RBFOX1: variants seen among roughly 807,000 people sequenced by gnomAD.
The protein encoded by RBFOX1 is RNA binding fox-1 homolog 1.
A neutral mutation model predicts 57.7 loss-of-function variants in RBFOX1; 8 were observed. That is an observed-to-expected ratio of 0.14 (90% CI 0.08 to 0.25). The LOEUF is 0.25. Ranked by LOEUF, RBFOX1 falls within the 10% of genes least tolerant of loss-of-function variation. RBFOX1 has a pLI of 1.00. For missense variants in RBFOX1, 611 were observed against 548.5 expected (o/e 1.11, Z -1.14); for synonymous variants, 326 against 222.4 (o/e 1.47, Z -4.15).
At chr16:7,707,303 C>T (rs2082772803) in intron 14 of RBFOX1, among the ~76,000 whole-genome samples, 1 of 152,056 alleles carries the variant, frequency 6.6e-6, no homozygotes, top group African/African-American at 2.4e-5. Flanking sequence ...CTTTCTTCAC[C>T]TTCTCAGACT....
chr16:5,988,385 C>T (rs2060322556), intron 4 of RBFOX1, among the ~76,000 whole-genome samples: 1 of 152,152 alleles, frequency 6.6e-6, no homozygotes, highest in South Asian at 2.1e-4. Context: ...TTTAGGATTA[C>T]GTTATCAAGC....
chr16:6,115,083 AT>A (rs1351958631), intron 1 of RBFOX1, among the ~76,000 whole-genome samples: 1 of 151,530 alleles, frequency 6.6e-6, no homozygotes, highest in African/African-American at 2.4e-5. Context: ...TTGCCATGGC[AT>A]TTGTAAACTA....
chr16:7,674,283 T>G (rs1320655107), intron 13 of RBFOX1, among the ~76,000 whole-genome samples: 1 of 152,190 alleles, frequency 6.6e-6, no homozygotes, highest in Non-Finnish European at 1.5e-5. Context: ...GTCCAATCCT[T>G]TGGCCACCAG....
intron 1 of RBFOX1, among the ~76,000 whole-genome samples, chr16:5,363,708 T>G (rs1478974814): frequency 6.6e-6 from 1 of 152,200 alleles, no homozygotes; most frequent in Non-Finnish European, 1.5e-5. Context: ...GTCTGTCTCC[T>G]ACACCCCCAA....
intron 3 of RBFOX1, among the ~76,000 whole-genome samples, chr16:5,695,316 A>G (rs576291603): frequency 6.6e-6 from 1 of 152,304 alleles, no homozygotes; most frequent in South Asian, 2.1e-4. Context: ...ACATTTCTAT[A>G]TATCAGGGCA....
intron 4 of RBFOX1, among the ~76,000 whole-genome samples, chr16:7,130,468 C>T (rs2069981124): frequency 6.6e-6 from 1 of 152,184 alleles, no homozygotes; most frequent in Non-Finnish European, 1.5e-5. Flanking sequence ...CAAAAGTGAT[C>T]ATCTCTGTCT....
intron 9 of RBFOX1, 59 bp downstream of exon 9, chr16:7,597,490 T>G (rs565944222): frequency 1.4e-6 from 2 of 1,420,414 alleles, no homozygotes; most frequent in Admixed American, 3.8e-5. Context: ...TTTAAGTAAT[T>G]TAACCAGAGA....
intron 3 of RBFOX1, among the ~76,000 whole-genome samples, chr16:5,608,738 T>G (rs372530162): frequency 6.6e-6 from 1 of 152,188 alleles, no homozygotes; most frequent in East Asian, 1.9e-4. Flanking sequence ...ATACACTGCT[T>G]AACTCTCCCT....
chr16:5,547,428 A>G (rs900483230), intron 2 of RBFOX1, among the ~76,000 whole-genome samples: 1 of 152,230 alleles, frequency 6.6e-6, no homozygotes, highest in Non-Finnish European at 1.5e-5. Context: ...GCAGCAGTAA[A>G]AAGGAATGAG....
chr16:5,269,560 T>A (rs1406935669), intron 1 of RBFOX1, among the ~76,000 whole-genome samples: 1 of 138,252 alleles, frequency 7.2e-6, no homozygotes, highest in Non-Finnish European at 1.6e-5. Flanking sequence ...AAAGCACATA[T>A]GCTACAGCAT....
intron 1 of RBFOX1, among the ~76,000 whole-genome samples, chr16:5,445,819 A>T (rs1048873010): frequency 2.6e-5 from 4 of 152,248 alleles, no homozygotes; most frequent in Non-Finnish European, 5.9e-5. Context: ...CTATATGCTA[A>T]ATCGCTTTTA....
At chr16:6,979,989 A>T (rs563744193) in intron 3 of RBFOX1, among the ~76,000 whole-genome samples, 3 of 152,202 alleles carry the variant, frequency 2.0e-5, no homozygotes, top group African/African-American at 7.2e-5. Context: ...ACCTTCTAAC[A>T]CCGTTTCTCC....
At chr16:5,675,376 A>T (rs1215058761) in intron 3 of RBFOX1, among the ~76,000 whole-genome samples, 1 of 152,160 alleles carries the variant, frequency 6.6e-6, no homozygotes, top group African/African-American at 2.4e-5. Flanking sequence ...ACTTTGGGCT[A>T]AGCACATTGG....
chr16:6,322,010 C>G (rs577178594), intron 2 of RBFOX1, among the ~76,000 whole-genome samples: 1 of 152,326 alleles, frequency 6.6e-6, no homozygotes, highest in East Asian at 1.9e-4. Flanking sequence ...CTCATTGACC[C>G]ATGGGCACCA....
chr16:7,036,872 A>G (rs2153700247), intron 3 of RBFOX1, among the ~76,000 whole-genome samples: 1 of 152,354 alleles, frequency 6.6e-6, no homozygotes, highest in South Asian at 2.1e-4. Flanking sequence ...AGAGTGGATG[A>G]TGAGCCCCTT....
At chr16:7,022,857 A>G (rs978044440) in intron 3 of RBFOX1, among the ~76,000 whole-genome samples, 1 of 152,186 alleles carries the variant, frequency 6.6e-6, no homozygotes, top group Non-Finnish European at 1.5e-5. Context: ...AATTTGAACA[A>G]CTGCCTCCAA....
intron 4 of RBFOX1, among the ~76,000 whole-genome samples, chr16:5,928,192 C>A (rs1464530782): frequency 6.6e-6 from 1 of 151,980 alleles, no homozygotes; most frequent in East Asian, 1.9e-4. Context: ...CTCCTGGGCC[C>A]AAGTGGTGTT....
intron 1 of RBFOX1, among the ~76,000 whole-genome samples, chr16:5,375,085 CAAAAAAAAAAAAAAAAAA>C (rs576765968): frequency 2.7e-5 from 1 of 37,080 alleles, no homozygotes; most frequent in Non-Finnish European, 4.6e-5. Context: ...TTTAAATGGC[CAAAAAAAAAAAAAAAAAA>C]AAAAAAAAAA....
At chr16:6,642,405 C>A (rs1281083571) in intron 2 of RBFOX1, among the ~76,000 whole-genome samples, 1 of 152,064 alleles carries the variant, frequency 6.6e-6, no homozygotes, top group African/African-American at 2.4e-5. Context: ...TGCAAACAGA[C>A]CTTTGGTTTG....
Sources: allele counts gnomAD v4.1 joint callset (sites outside exome capture counted in the v4.1 genomes callset), GRCh38; gene constraint gnomAD v4.1.1; transcripts MANE v1.5; gene names NCBI Gene and HGNC (gene_info 2026-07-23, HGNC 2026-07-21).